EOGT: variants seen among roughly 807,000 people sequenced by gnomAD.
EOGT encodes EGF domain specific O-linked N-acetylglucosamine transferase, also known as EGF domain-specific O-linked N-acetylglucosamine transferase.
EOGT carries 55 observed loss-of-function variants against 70.5 expected under a neutral mutation model. The ratio of observed to expected loss-of-function variants is 0.78; its 90% CI spans 0.63 to 0.98. The LOEUF is 0.98. Ranked by LOEUF, EOGT falls within the 50% of genes least tolerant of loss-of-function variation. EOGT has a pLI of 0.00. For missense variants in EOGT, 703 were observed against 641.9 expected, an observed-to-expected ratio of 1.10 and a Z score of -1.03; for synonymous variants, 246 against 217.1, an observed-to-expected ratio of 1.13 and a Z score of -1.17.
intron 7 of EOGT, 96 bp downstream of exon 7, chr3:69,005,044 A>C (rs2091402623): frequency 1.4e-6 from 1 of 697,544 alleles, no homozygotes; most frequent in Admixed American, 2.8e-5. Context: ...CCTGGGCAAC[A>C]GAGCAAGACC....
chr3:68,988,231 G>A (rs2090872837), intron 13 of EOGT, 64 bp downstream of exon 13: 1 of 1,084,798 alleles, frequency 9.2e-7, no homozygotes. Context: ...CTGAAAAGGT[G>A]GTATCGATTT....
intron 16 of EOGT, among the ~76,000 whole-genome samples, chr3:68,979,050 G>T (rs940436974): frequency 6.6e-6 from 1 of 152,156 alleles, no homozygotes; most frequent in Non-Finnish European, 1.5e-5. Flanking sequence ...CTTTTAAAAT[G>T]AAACCATAGA....
intron 6 of EOGT, among the ~76,000 whole-genome samples, chr3:69,006,376 A>G (rs763034436): frequency 6.6e-5 from 10 of 152,214 alleles, no homozygotes; most frequent in Non-Finnish European, 1.5e-4. Flanking sequence ...CAATAGCTCT[A>G]TAAAGTATAT....
At chr3:68,989,343 A>G (rs1002104352) in intron 10 of EOGT, among the ~76,000 whole-genome samples, 1 of 152,182 alleles carries the variant, frequency 6.6e-6, no homozygotes, top group Non-Finnish European at 1.5e-5. Context: ...AGATACACAC[A>G]ACACACACTA....
chr3:69,009,919 AACAAC>A, intron 3 of EOGT, 59 bp from the exon 4 acceptor site: 11 of 606,488 alleles, frequency 1.8e-5, no homozygotes, highest in East Asian at 2.9e-5. Flanking sequence ...CCAAAACAAC[AACAAC>A]AACAACAACA....
chr3:68,988,426 T>C, intron 12 of EOGT, 45 bp from the exon 13 acceptor site: 1 of 1,495,772 alleles, frequency 6.7e-7, no homozygotes, highest in East Asian at 2.5e-5. Context: ...TACTTCTGTA[T>C]TATAATTTAA....
intron 8 of EOGT, among the ~76,000 whole-genome samples, chr3:69,002,052 T>C (rs879349543): frequency 2.0e-5 from 3 of 152,082 alleles, no homozygotes; most frequent in Non-Finnish European, 4.4e-5. Flanking sequence ...TAGCTGGGCG[T>C]AGTGGCGAGC....
chr3:68,982,431 A>G (rs1337430107), intron 15 of EOGT, among the ~76,000 whole-genome samples: 3 of 152,132 alleles, frequency 2.0e-5, no homozygotes, highest in African/African-American at 7.2e-5. Context: ...GAGGCAGGAG[A>G]ATTACTTGAA....
At chr3:69,009,508 A>G (rs1410883885) in intron 4 of EOGT, 129 bp downstream of exon 4, 1 of 653,268 alleles carries the variant, frequency 1.5e-6, no homozygotes, top group Non-Finnish European at 2.6e-6. Flanking sequence ...TATATGAAAC[A>G]ATGATTAACT....
At chr3:68,980,449 TG>T (rs1201729358) in intron 15 of EOGT, among the ~76,000 whole-genome samples, 1 of 152,170 alleles carries the variant, frequency 6.6e-6, no homozygotes, top group Non-Finnish European at 1.5e-5. Context: ...CACTAACCAG[TG>T]TGTAAACTTT....
intron 3 of EOGT, among the ~76,000 whole-genome samples, chr3:69,010,472 T>C (rs559054143): frequency 6.6e-6 from 1 of 152,244 alleles, no homozygotes; most frequent in Non-Finnish European, 1.5e-5. Context: ...CTTAACCACC[T>C]GGATTTGAAT....
chr3:68,996,648 A>C (rs1251377302), intron 10 of EOGT, among the ~76,000 whole-genome samples: 1 of 152,170 alleles, frequency 6.6e-6, no homozygotes, highest in Non-Finnish European at 1.5e-5. Context: ...GCCCCAGGCG[A>C]ATCTTGTCTC....
intron 10 of EOGT, among the ~76,000 whole-genome samples, chr3:68,990,902 A>G (rs1290814157): frequency 5.8e-4 from 3 of 5,164 alleles, no homozygotes; most frequent in Non-Finnish European, 1.2e-3. Context: ...GTTAGATGTG[A>G]AAAAAAAAAA....
In EOGT at chr3:68,979,766, T is replaced by C. The variant is rs752926788; in HGVS notation, c.1236A>G (p.Gln412=). ...YKYRELGFLD[Q]LRITHNTDIF... ...TGTCCGTGTTGTGTGTGATCCTTAG[T>C]TGATCTAAAAACCCAAGTTCTCTGT... Residue 412 remains glutamine, a synonymous_variant, in exon 16 of 18, where the codon CAA becomes CAG. Coordinates refer to ENST00000383701, the MANE Select transcript of EOGT (RefSeq NM_001278689.2). The C allele has an allele frequency of 1.9e-6, 3 of 1,613,634 alleles. No homozygotes were observed. The highest frequency in any genetic ancestry group is 1.1e-5 in the South Asian group (1 of 91,046).
intron 1 of EOGT, 94 bp from the exon 2 acceptor site, chr3:69,012,893 CAGAG>C (rs74942442): frequency 0.25 from 37,738 of 151,814 alleles, 5,213 homozygotes; most frequent in East Asian, 0.52. Context: ...GGCAATGTCG[CAGAG>C]AGAGAGAGCT....
At chr3:68,982,741 T>A in intron 15 of EOGT, 70 bp downstream of exon 15, 1 of 1,148,840 alleles carries the variant, frequency 8.7e-7, no homozygotes, top group South Asian at 1.6e-5. Context: ...ACTGGAAAAA[T>A]GCTTTCTAGC....
chr3:68,988,370 A>G lies in EOGT; in HGVS notation c.1008T>C (p.Cys336=). The change falls in exon 13 of 18, where the codon TGT becomes TGC. Residue 336 remains cysteine (C), a synonymous_variant. Transcript: ENST00000383701. ...LFYNTPLISG[C]QNTGLFRAFA... ...ATGCCCTGAATAGTCCAGTATTTTG[A>G]CAGCCAGATATCTAAAATAAAAACA... The G allele has an allele frequency of 6.5e-7, 1 of 1,535,532 alleles. No individual in the cohort carries two copies. Among genetic ancestry groups the G allele is most frequent in the Non-Finnish European group, 8.7e-7 (1 of 1,146,392 alleles).
At chr3:68,984,455 C>T (rs1052260738) in intron 14 of EOGT, among the ~76,000 whole-genome samples, 5 of 152,096 alleles carry the variant, frequency 3.3e-5, no homozygotes, top group Admixed American at 6.5e-5. Flanking sequence ...TCTAGTTGCA[C>T]GAAAAAGGTG....
rs2090453729 is a variant in EOGT, at chr3:68,975,612, C to G, written c.*2006G>C. ...AACATGCTTTTGTCATCCCTTTCAT[C>G]TGAAATATTTTCCCAGTGGTTACTC... On this transcript the variant is annotated 3_prime_UTR_variant, in exon 18 of 18. Coordinates refer to ENST00000383701, the MANE Select transcript of EOGT (RefSeq NM_001278689.2). 1.3e-5 allele frequency: 2 copies of G among 152,528 alleles called. No individual in the cohort carries two copies. The highest frequency in any genetic ancestry group is 2.9e-5 in the Non-Finnish European group (2 of 68,030). 9.4% of individuals were successfully genotyped at this position (152,528 alleles called of 1,614,324 possible).
Sources: gnomAD v4.1 joint callset for allele counts (sites outside exome capture counted in the v4.1 genomes callset) on GRCh38, gnomAD v4.1.1 for gene constraint, MANE v1.5 for transcripts, NCBI Gene and HGNC (gene_info 2026-07-23, HGNC 2026-07-21) for gene names.